CHODL: variants seen among roughly 807,000 people sequenced by gnomAD.
CHODL encodes the protein chondrolectin.
Under a neutral mutation model 34.5 loss-of-function variants are expected in CHODL, and 29 were observed. The observed-to-expected ratio is 0.84, with a 90% CI of 0.63 to 1.15. The LOEUF (loss-of-function observed/expected upper bound fraction) is 1.15, where lower values mean the gene tolerates loss of function less well. Ranked by LOEUF, CHODL falls within the 50% of genes most tolerant of loss-of-function variation. The probability of loss-of-function intolerance (pLI) is 0.00; values close to 1 mark genes in which losing one functional copy is unlikely to be tolerated. For synonymous variants in CHODL, 125 were observed against 116.1 expected, an observed-to-expected ratio of 1.08 and a Z score of -0.49; for missense variants, 332 against 332.5, an observed-to-expected ratio of 1.00 and a Z score of 0.01.
chr21:17,937,731 A>AT (rs549814957), intron 1 of CHODL, among the ~76,000 whole-genome samples: 1 of 151,562 alleles, frequency 6.6e-6, no homozygotes, highest in African/African-American at 2.4e-5. Context: ...CTACCTTCTC[A>AT]TTTTTTTCAC....
chr21:18,213,753 A>C (rs2073796000), intron 2 of CHODL, among the ~76,000 whole-genome samples: 1 of 152,112 alleles, frequency 6.6e-6, no homozygotes, highest in Non-Finnish European at 1.5e-5. Context: ...TTAGGACTGT[A>C]TACAAGTATA....
At chr21:18,060,234 C>T (rs1435066103) in intron 2 of CHODL, among the ~76,000 whole-genome samples, 3 of 152,016 alleles carry the variant, frequency 2.0e-5, no homozygotes, top group Non-Finnish European at 4.4e-5. Flanking sequence ...GCAGGCAGAT[C>T]GCTTGAGTTC....
intron 1 of CHODL, among the ~76,000 whole-genome samples, chr21:18,014,466 T>C (rs1418290680): frequency 6.6e-6 from 1 of 152,188 alleles, no homozygotes; most frequent in Non-Finnish European, 1.5e-5. Flanking sequence ...ATAGATACTA[T>C]GGACTACTAC....
At chr21:18,251,619 ATATT>A (rs1333382252) in intron 1 of CHODL, among the ~76,000 whole-genome samples, 8 of 111,084 alleles carry the variant, frequency 7.2e-5, no homozygotes, top group African/African-American at 2.6e-4. Flanking sequence ...AATATATAAA[ATATT>A]TATTTTATTT....
chr21:18,125,283 A>T (rs2146583823), intron 2 of CHODL, among the ~76,000 whole-genome samples: 1 of 152,340 alleles, frequency 6.6e-6, no homozygotes, highest in South Asian at 2.1e-4. Context: ...TCAGTCACCC[A>T]TTCAGTAAAT....
intron 2 of CHODL, among the ~76,000 whole-genome samples, chr21:18,226,803 A>T (rs1568944958): frequency 6.6e-6 from 1 of 151,982 alleles, no homozygotes; most frequent in African/African-American, 2.4e-5. Context: ...AGTAGTAGTA[A>T]TTTTTTTCTC....
intron 2 of CHODL, among the ~76,000 whole-genome samples, chr21:18,039,683 A>G (rs369122702): frequency 1.2e-3 from 189 of 151,788 alleles, no homozygotes; most frequent in African/African-American, 4.2e-3. Context: ...CTGAATATAA[A>G]TTACTCCCTA....
chr21:17,964,349 T>G (rs2063555288), intron 1 of CHODL, among the ~76,000 whole-genome samples: 1 of 151,786 alleles, frequency 6.6e-6, no homozygotes, highest in Non-Finnish European at 1.5e-5. Flanking sequence ...AAGCACACAG[T>G]CACACACACA....
intron 1 of CHODL, among the ~76,000 whole-genome samples, chr21:18,253,349 CA>C (rs2074280255): frequency 6.6e-6 from 1 of 151,570 alleles, no homozygotes; most frequent in Non-Finnish European, 1.5e-5. Context: ...TGACATCTTG[CA>C]AAACAATCTT....
chr21:17,970,524 T>G (rs746268468), intron 1 of CHODL, among the ~76,000 whole-genome samples: 1 of 152,222 alleles, frequency 6.6e-6, no homozygotes, highest in Non-Finnish European at 1.5e-5. Context: ...TAGACTGAGA[T>G]GTATCTGCCC....
At position 18,250,400 on chromosome 21, in the gene CHODL, C is replaced by G. The variant is rs546720906; in HGVS notation, c.79+5098C>G. ...AAAGTAGGGCTTGCTGCTGCTGCCACCATCCAGAAAATGACCACAACCTAC... is the reference window on the plus strand; with the variant it reads ...AAAGTAGGGCTTGCTGCTGCTGCCAGCATCCAGAAAATGACCACAACCTAC... On this transcript the variant is annotated intron_variant, in intron 1 of 5. Transcript: ENST00000299295. Among the ~76,000 whole-genome samples the G allele has an allele frequency of 1.2e-4, 18 of 151,976 alleles. 1 individual carries two copies. The South Asian group carries it at 3.7e-3, about 32-fold the overall frequency.
intron 5 of CHODL, among the ~76,000 whole-genome samples, chr21:18,265,146 A>G (rs1424838424): frequency 6.6e-6 from 1 of 151,456 alleles, no homozygotes; most frequent in East Asian, 1.9e-4. Context: ...CCCATCAATC[A>G]ATGCGTGGAT....
chr21:18,257,236 A>G (rs2074329132), intron 3 of CHODL, 109 bp downstream of exon 3: 5 of 995,376 alleles, frequency 5.0e-6, no homozygotes, highest in Non-Finnish European at 2.9e-6. Context: ...CTGCTGTGAA[A>G]TAGAAAATTA....
intron 1 of CHODL, among the ~76,000 whole-genome samples, chr21:17,933,315 G>A (rs1232526112): frequency 6.6e-6 from 1 of 152,158 alleles, no homozygotes; most frequent in East Asian, 1.9e-4. Flanking sequence ...TTCCCACAAG[G>A]CCATATTTCA....
At position 18,147,730 on chromosome 21, in the gene CHODL, T is replaced by G. The variant is rs188974990; in HGVS notation, c.-44-108779T>G. On this transcript the variant is annotated intron_variant, in intron 2 of 6. Coordinates refer to the CHODL transcript ENST00000400127. Reference sequence around the variant, plus strand: ...AGTGTGGAAGGAGCCATAGACAGTATGTAAACAAATTAACAAGTGTGGCTG... The same window carrying G: ...AGTGTGGAAGGAGCCATAGACAGTAGGTAAACAAATTAACAAGTGTGGCTG... Among the ~76,000 whole-genome samples the G allele has an allele frequency of 3.3e-5, 5 of 152,384 alleles. No homozygotes were observed. In the East Asian group the frequency reaches 9.6e-4, roughly 29 times the overall value.
chr21:17,923,126 G>T (rs1408348911), intron 1 of CHODL, among the ~76,000 whole-genome samples: 1 of 152,172 alleles, frequency 6.6e-6, no homozygotes, highest in Non-Finnish European at 1.5e-5. Flanking sequence ...AGGGGTGGGG[G>T]TTGGCTTTGA....
intron 2 of CHODL, among the ~76,000 whole-genome samples, chr21:18,085,844 TA>T (rs2064999205): frequency 6.6e-6 from 1 of 152,134 alleles, no homozygotes. Flanking sequence ...GAATTCCTTT[TA>T]GAATATATTT....
intron 2 of CHODL, among the ~76,000 whole-genome samples, chr21:18,161,724 T>G (rs561089849): frequency 6.6e-6 from 1 of 152,334 alleles, no homozygotes; most frequent in East Asian, 1.9e-4. Flanking sequence ...TTTATTCTTC[T>G]AATCCTCCCT....
intron 1 of CHODL, among the ~76,000 whole-genome samples, chr21:18,246,886 A>C (rs948292627): frequency 6.6e-6 from 1 of 152,158 alleles, no homozygotes; most frequent in African/African-American, 2.4e-5. Context: ...TTTTCTTATT[A>C]AGCATTTATA....
Sources: gnomAD v4.1 joint callset for allele counts (sites outside exome capture counted in the v4.1 genomes callset) on GRCh38, gnomAD v4.1.1 for gene constraint, MANE v1.5 for transcripts, NCBI Gene and HGNC (gene_info 2026-07-23, HGNC 2026-07-21) for gene names.